CHL1: variants seen among roughly 807,000 people sequenced by gnomAD.
CHL1 encodes the protein cell adhesion molecule L1 like, also known as neural cell adhesion molecule L1-like protein.
Under a neutral mutation model 141.9 loss-of-function variants are expected in CHL1, and 96 were observed. That is an observed-to-expected ratio of 0.68 (90% CI 0.57 to 0.80). CHL1 has a LOEUF of 0.80. Ranked by LOEUF, CHL1 falls within the 30% of genes least tolerant of loss-of-function variation. CHL1 has a pLI of 0.00. For missense variants in CHL1, 1,820 were observed against 1,457.2 expected (o/e 1.25, Z -4.05); for synonymous variants, 613 against 502.2 (o/e 1.22, Z -2.95).
At chr3:232,211 T>G (rs1574792897) in intron 1 of CHL1, among the ~76,000 whole-genome samples, 1 of 152,316 alleles carries the variant, frequency 6.6e-6, no homozygotes, top group Non-Finnish European at 1.5e-5. Flanking sequence ...TGTATTGGCA[T>G]GTCATTACAC....
rs1374664916 is a variant in CHL1 at position 196,868 on chromosome 3, G to A, written c.-370G>A. On this transcript the variant is annotated 5_prime_UTR_variant, in exon 1 of 28. Coordinates refer to ENST00000256509, the MANE Select transcript of CHL1 (RefSeq NM_006614.4). ...CAGCCTTCCCGCGGCCAGAGAGCCA[G>A]CGGCGGGAGGGGACGGGCGGGACCT... 1 of 152,730 alleles carries A rather than the reference G, an allele frequency of 6.5e-6. No individual in the cohort carries two copies. Among genetic ancestry groups the A allele is most frequent in the African/African-American group, 2.4e-5 (1 of 41,468 alleles). 9.5% of individuals were successfully genotyped at this position (152,730 alleles called of 1,614,324 possible). A position where few individuals can be genotyped will look rare whatever the true frequency, so the allele number is the denominator to read the frequency against.
intron 2 of CHL1, among the ~76,000 whole-genome samples, chr3:246,104 T>A (rs1292895153): frequency 6.6e-6 from 1 of 152,182 alleles, no homozygotes; most frequent in Non-Finnish European, 1.5e-5. Context: ...AAAACACTTT[T>A]ATGATTTCAC....
intron 6 of CHL1, among the ~76,000 whole-genome samples, 173 bp downstream of exon 6, chr3:341,089 T>A (rs1020023477): frequency 6.6e-6 from 1 of 152,228 alleles, no homozygotes; most frequent in African/African-American, 2.4e-5. Context: ...CAATACTTCC[T>A]ATATTTCAAA....
At chr3:396,278 A>G (rs1193078998) in intron 24 of CHL1, among the ~76,000 whole-genome samples, 1 of 152,194 alleles carries the variant, frequency 6.6e-6, no homozygotes, top group African/African-American at 2.4e-5. Flanking sequence ...TGGAACTGAC[A>G]TCAAGTGTCC....
intron 2 of CHL1, among the ~76,000 whole-genome samples, chr3:291,608 G>C (rs1697702242): frequency 6.6e-6 from 1 of 152,010 alleles, no homozygotes; most frequent in African/African-American, 2.4e-5. Flanking sequence ...AAGCAGGCAA[G>C]TAATAAATTT....
chr3:335,595 C>G (rs945841894), intron 5 of CHL1, among the ~76,000 whole-genome samples: 1 of 152,190 alleles, frequency 6.6e-6, no homozygotes, highest in Non-Finnish European at 1.5e-5. Flanking sequence ...GAAAGCTCAC[C>G]AGGCCAGTCC....
At chr3:241,423 C>G (rs975197654) in intron 1 of CHL1, among the ~76,000 whole-genome samples, 1 of 152,156 alleles carries the variant, frequency 6.6e-6, no homozygotes, top group Non-Finnish European at 1.5e-5. Context: ...ACAACATGCT[C>G]ATATTCAGAA....
At chr3:378,595 T>C (rs567220924) in intron 16 of CHL1, among the ~76,000 whole-genome samples, 1 of 152,344 alleles carries the variant, frequency 6.6e-6, no homozygotes, top group Non-Finnish European at 1.5e-5. Context: ...CTACCAGCTC[T>C]TTGACCTAGA....
chr3:398,234 T>G lies in CHL1; in HGVS notation c.3102T>G (p.Gly1034=). ...ACTGTGTACATTTCTTAGGTAAAGG[T>G]ATCGGGAAGATATCAGGAGTAAATC... is the stretch of plus-strand genomic sequence containing the variant. ...ESSTLGEGSK[G]IGKISGVNLT... Residue 1034 remains glycine (G), a synonymous_variant, in exon 25 of 28, where the codon GGT becomes GGG. Coordinates refer to ENST00000256509, the MANE Select transcript of CHL1 (RefSeq NM_006614.4). The G allele has an allele frequency of 6.3e-7, 1 of 1,596,300 alleles. No homozygotes were observed. Among genetic ancestry groups the G allele is most frequent in the South Asian group, 1.1e-5 (1 of 89,232 alleles).
chr3:398,296 C>T lies in CHL1; in HGVS notation c.3164C>T (p.Pro1055Leu), dbSNP rs753088598. The T allele has an allele frequency of 1.6e-5, 25 of 1,607,198 alleles. No homozygotes were observed. The highest frequency in any genetic ancestry group is 6.7e-5 in the East Asian group (3 of 44,786). The change falls in exon 25 of 28, where the codon CCG becomes CTG. Residue 1055 changes from proline (P) to leucine (L), a missense_variant. Coordinates refer to ENST00000256509, the MANE Select transcript of CHL1 (RefSeq NM_006614.4). ...QKTHPIEVFE[P>L]GAEHIVRLMT... ...ACTCACCCAATAGAGGTATTTGAGC[C>T]GGGAGCTGAACATATAGTTCGCCTA...
At chr3:242,387 G>C (rs1274762368) in intron 1 of CHL1, among the ~76,000 whole-genome samples, 2 of 142,368 alleles carry the variant, frequency 1.4e-5, no homozygotes, top group South Asian at 2.4e-4. Context: ...ACGAGGTCAG[G>C]AGATCGAGAC....
intron 2 of CHL1, among the ~76,000 whole-genome samples, chr3:258,131 A>T (rs963611892): frequency 6.6e-6 from 1 of 152,224 alleles, no homozygotes; most frequent in Non-Finnish European, 1.5e-5. Context: ...GGCCAACTGC[A>T]TCAATTTAAA....
chr3:398,260 T>G lies in CHL1; in HGVS notation c.3128T>G (p.Leu1043Arg), dbSNP rs746688025. The G allele has an allele frequency of 6.2e-7, 1 of 1,606,328 alleles. No homozygotes were observed. Among genetic ancestry groups the G allele is most frequent in the Middle Eastern group, 1.7e-4 (1 of 6,050 alleles). ...ATCGGGAAGATATCAGGAGTAAATC[T>G]TACTCAAAAGACTCACCCAATAGAG... The part of the protein sequence containing the change: ...KGIGKISGVN[L>R]TQKTHPIEVF... Residue 1043 changes from leucine to arginine, a missense_variant, in exon 25 of 28, where the codon CTT becomes CGT. Coordinates refer to ENST00000256509, the MANE Select transcript of CHL1 (RefSeq NM_006614.4).
intron 1 of CHL1, among the ~76,000 whole-genome samples, chr3:212,078 A>G (rs1325137369): frequency 6.6e-6 from 1 of 152,162 alleles, no homozygotes; most frequent in Non-Finnish European, 1.5e-5. Context: ...ATAACCTAAA[A>G]TGTTATATAT....
At position 341,938 on chromosome 3, in the gene CHL1, A is replaced by C. The variant is rs746368627; in HGVS notation, c.535A>C (p.Arg179=). Residue 179 remains arginine, a synonymous_variant, in exon 7 of 28, where the codon AGA becomes CGA. Coordinates refer to ENST00000256509, the MANE Select transcript of CHL1 (RefSeq NM_006614.4). The part of the protein sequence containing the change: ...IELEHIEQDE[R]VYMSQKGDLY... Reference sequence around the variant, plus strand: ...ATTAGAACACATCGAACAAGATGAAAGAGTATACATGAGCCAAAAGGGAGA... The same window carrying C: ...ATTAGAACACATCGAACAAGATGAACGAGTATACATGAGCCAAAAGGGAGA... 2.4e-5 allele frequency: 39 copies of C among 1,610,086 alleles called. No individual in the cohort carries two copies. The Middle Eastern group carries it at 5.0e-4, about 20-fold the overall frequency.
chr3:240,181 T>C lies in CHL1; in HGVS notation c.-174-4432T>C, dbSNP rs1042351653. The stretch of plus-strand genomic sequence containing the variant: ...TAAGGAATCTCCGTACTGTTTTCCA[T>C]AGTGGTTGTGCTAGTTGACATTCTC... On this transcript the variant is annotated intron_variant, in intron 1 of 27. Coordinates refer to ENST00000256509, the MANE Select transcript of CHL1 (RefSeq NM_006614.4). Among the ~76,000 whole-genome samples, 15 of 152,336 alleles carry C rather than the reference T, an allele frequency of 9.8e-5. No homozygotes were observed. The East Asian group carries it at 2.5e-3, about 25-fold the overall frequency.
intron 15 of CHL1, chr3:376,474 C>A (rs570889621): frequency 8.0e-6 from 4 of 497,178 alleles, no homozygotes; most frequent in East Asian, 5.8e-5. Flanking sequence ...AGGCACCCAA[C>A]GTTGATTAAT....
At chr3:363,550 C>T (rs1704502112) in intron 14 of CHL1, 167 bp downstream of exon 14, 1 of 615,282 alleles carries the variant, frequency 1.6e-6, no homozygotes, top group Non-Finnish European at 2.8e-6. Context: ...ATTGCAAGAA[C>T]TACAGGGTAT....
intron 2 of CHL1, among the ~76,000 whole-genome samples, chr3:301,650 C>G (rs1472973349): frequency 6.6e-6 from 1 of 152,212 alleles, no homozygotes; most frequent in Non-Finnish European, 1.5e-5. Context: ...AAAATCACTA[C>G]TTCTAAAGAG....
Sources: allele counts gnomAD v4.1 joint callset (sites outside exome capture counted in the v4.1 genomes callset), GRCh38; gene constraint gnomAD v4.1.1; transcripts MANE v1.5; gene names NCBI Gene and HGNC (gene_info 2026-07-23, HGNC 2026-07-21).